The following SPOCK3 variants were observed in gnomAD, a reference collection of about 807,000 sequenced individuals.
SPOCK3 encodes testican-3.
In SPOCK3, 30 loss-of-function variants were observed where a neutral mutation model predicts 56.6. That is an observed-to-expected ratio of 0.53 (90% CI 0.40 to 0.72). The LOEUF is 0.72. Among genes scored for constraint, SPOCK3 ranks in the 30% least tolerant of loss-of-function variants. SPOCK3 has a pLI of 0.00. For missense variants in SPOCK3, 527 were observed against 530.0 expected, an observed-to-expected ratio of 0.99 and a Z score of 0.06; for synonymous variants, 196 against 183.3, an observed-to-expected ratio of 1.07 and a Z score of -0.56.
At chr4:166,851,880 A>G (rs1730130639) in intron 6 of SPOCK3, among the ~76,000 whole-genome samples, 1 of 152,012 alleles carries the variant, frequency 6.6e-6, no homozygotes, top group African/African-American at 2.4e-5. Flanking sequence ...CACAATAGCA[A>G]AGACTTGGAA....
At chr4:167,097,328 A>C (rs887697725) in intron 2 of SPOCK3, among the ~76,000 whole-genome samples, 14 of 151,468 alleles carry the variant, frequency 9.2e-5, no homozygotes, top group Non-Finnish European at 1.5e-4. Flanking sequence ...GATTCATTTT[A>C]TTACCTGTCT....
chr4:166,984,332 C>A (rs901964065), intron 4 of SPOCK3, among the ~76,000 whole-genome samples: 1 of 151,974 alleles, frequency 6.6e-6, no homozygotes, highest in African/African-American at 2.4e-5. Flanking sequence ...TATAAAACAT[C>A]GAAAACAATA....
chr4:166,938,610 T>G (rs904428998), intron 4 of SPOCK3, among the ~76,000 whole-genome samples: 2 of 151,410 alleles, frequency 1.3e-5, no homozygotes, highest in Non-Finnish European at 2.9e-5. Flanking sequence ...AGAAAAAGAA[T>G]GGGGGAGAAA....
At position 166,853,288 on chromosome 4, in the gene SPOCK3, T is replaced by C. The variant is rs189301254; in HGVS notation, c.589+35842A>G. On this transcript the variant is annotated intron_variant, in intron 6 of 10. Coordinates refer to ENST00000357545, the MANE Select transcript of SPOCK3 (RefSeq NM_001040159.2). ...AATTCAAAGTCAAATGTAAGATAGG[T>C]GAATAGTTATTTTATTGTAAGAATA... Among the ~76,000 whole-genome samples, 279 of 152,306 alleles carry C rather than the reference T, an allele frequency of 1.8e-3. 1 individual carries two copies. Among genetic ancestry groups the C allele is most frequent in the Non-Finnish European group, 3.3e-3 (223 of 68,012 alleles).
At chr4:167,111,442 G>A (rs1434290798) in intron 2 of SPOCK3, among the ~76,000 whole-genome samples, 1 of 151,812 alleles carries the variant, frequency 6.6e-6, no homozygotes, top group African/African-American at 2.4e-5. Flanking sequence ...AGCCCCATCT[G>A]ACCTATTCAC....
intron 2 of SPOCK3, among the ~76,000 whole-genome samples, chr4:167,184,263 T>A (rs1354252061): frequency 6.6e-6 from 1 of 152,178 alleles, no homozygotes; most frequent in Non-Finnish European, 1.5e-5. Context: ...CTAAATTTAA[T>A]CAAGAAACAG....
At chr4:166,966,712 G>T (rs1479273820) in intron 4 of SPOCK3, among the ~76,000 whole-genome samples, 1 of 152,010 alleles carries the variant, frequency 6.6e-6, no homozygotes, top group African/African-American at 2.4e-5. Context: ...TAACATCGCT[G>T]CAAATTTTAA....
chr4:166,803,411 G>A (rs953429529), intron 6 of SPOCK3, among the ~76,000 whole-genome samples: 4 of 152,058 alleles, frequency 2.6e-5, no homozygotes, highest in African/African-American at 9.7e-5. Flanking sequence ...AGGCATTTGG[G>A]CAGTAGTAAT....
At chr4:167,128,497 C>T (rs1159213102) in intron 2 of SPOCK3, among the ~76,000 whole-genome samples, 1 of 152,194 alleles carries the variant, frequency 6.6e-6, no homozygotes, top group Non-Finnish European at 1.5e-5. Context: ...CTTGTGCCTA[C>T]TGCCCATTCC....
At chr4:167,038,113 A>C (rs1361351527) in intron 3 of SPOCK3, among the ~76,000 whole-genome samples, 1 of 152,134 alleles carries the variant, frequency 6.6e-6, no homozygotes, top group Non-Finnish European at 1.5e-5. Context: ...CAAAATAGTC[A>C]CTGCATTCCT....
At chr4:167,117,510 C>G (rs1307873024) in intron 2 of SPOCK3, among the ~76,000 whole-genome samples, 1 of 152,168 alleles carries the variant, frequency 6.6e-6, no homozygotes, top group African/African-American at 2.4e-5. Flanking sequence ...GGGAACCCCC[C>G]ACCCACGTAG....
intron 2 of SPOCK3, among the ~76,000 whole-genome samples, chr4:167,144,793 C>T (rs956143071): frequency 2.7e-5 from 4 of 149,660 alleles, no homozygotes; most frequent in African/African-American, 7.4e-5. Flanking sequence ...CAACATATCA[C>T]ATGTTTGAAA....
chr4:167,067,152 T>G (rs955691310), intron 2 of SPOCK3, among the ~76,000 whole-genome samples: 1 of 151,822 alleles, frequency 6.6e-6, no homozygotes, highest in African/African-American at 2.4e-5. Context: ...AGAGTAATAC[T>G]CAGGCATTAT....
rs1732385732 is a variant in SPOCK3 at position 167,190,523 on chromosome 4, C to G, written c.189+43462G>C. Reference sequence around the variant, plus strand: ...TTTACATATTTTTGGATGTTAAGCCCTTATCTGATTTATGGTTCACAAATA... The same window carrying G: ...TTTACATATTTTTGGATGTTAAGCCGTTATCTGATTTATGGTTCACAAATA... On this transcript the variant is annotated intron_variant, in intron 2 of 10. Transcript: ENST00000357545. 3.4e-5 allele frequency among the ~76,000 whole-genome samples: 5 copies of G among 145,976 alleles called. No individual in the cohort carries two copies. The South Asian group carries it at 1.1e-3, about 31-fold the overall frequency.
intron 4 of SPOCK3, among the ~76,000 whole-genome samples, chr4:166,996,133 C>T (rs888418618): frequency 6.6e-6 from 1 of 152,074 alleles, no homozygotes; most frequent in South Asian, 2.1e-4. Context: ...TTTTACACTA[C>T]TTTCATCATT....
At chr4:166,851,232 C>T (rs558030774) in intron 6 of SPOCK3, among the ~76,000 whole-genome samples, 59 of 152,272 alleles carry the variant, frequency 3.9e-4, no homozygotes, top group Middle Eastern at 3.4e-3. Context: ...CGGCCGGGTA[C>T]TCCAACAGAC....
chr4:167,222,973 T>C (rs1387235501), intron 2 of SPOCK3, among the ~76,000 whole-genome samples: 3 of 125,888 alleles, frequency 2.4e-5, no homozygotes. Context: ...ATATTTTATA[T>C]GAATATATAT....
intron 6 of SPOCK3, among the ~76,000 whole-genome samples, chr4:166,887,793 T>C (rs1468613219): frequency 6.7e-6 from 1 of 150,308 alleles, no homozygotes; most frequent in Non-Finnish European, 1.5e-5. Context: ...TGGGCCAGGA[T>C]CTTACAAATC....
At chr4:166,950,645 C>G (rs1239722363) in intron 4 of SPOCK3, among the ~76,000 whole-genome samples, 2 of 150,076 alleles carry the variant, frequency 1.3e-5, no homozygotes, top group Non-Finnish European at 2.9e-5. Flanking sequence ...TTTTTCAGCA[C>G]CACACCACAC....
Sources: gnomAD v4.1 joint callset for allele counts (sites outside exome capture counted in the v4.1 genomes callset) on GRCh38, gnomAD v4.1.1 for gene constraint, MANE v1.5 for transcripts, NCBI Gene and HGNC (gene_info 2026-07-23, HGNC 2026-07-21) for gene names.